ARHGEF10L: variants seen among roughly 807,000 people sequenced by gnomAD.
ARHGEF10L encodes rho guanine nucleotide exchange factor 10-like protein.
ARHGEF10L carries 69 observed loss-of-function variants against 141.2 expected under a neutral mutation model. The observed-to-expected ratio is 0.49, with a 90% CI of 0.40 to 0.60. ARHGEF10L has a LOEUF of 0.60. ARHGEF10L is among the 20% of genes least tolerant of loss of function. The pLI is 0.00. For synonymous variants in ARHGEF10L, 711 were observed against 718.5 expected, an observed-to-expected ratio of 0.99 and a Z score of 0.17; for missense variants, 1,482 against 1,734.3, an observed-to-expected ratio of 0.85 and a Z score of 2.58.
chr1:17,573,142 G>T lies in ARHGEF10L; in HGVS notation c.-43-7411G>T, dbSNP rs75835322. 4.1e-4 allele frequency among the ~76,000 whole-genome samples: 63 copies of T among 152,252 alleles called. No homozygotes were observed. In the East Asian group the frequency reaches 0.012, roughly 29 times the overall value. On this transcript the variant is annotated intron_variant, in intron 1 of 28. Coordinates refer to ENST00000361221, the MANE Select transcript of ARHGEF10L (RefSeq NM_018125.4). The surrounding 1 kb of genome is among the most constrained non-coding windows in gnomAD (Gnocchi z 4.8). The stretch of plus-strand genomic sequence containing the variant: ...TGCCTCATCCTCCTGGGGGGCTTTG[G>T]GTAGGTCCCTTCCCATCTGAGCCTC...
intron 1 of ARHGEF10L, among the ~76,000 whole-genome samples, chr1:17,542,295 A>G (rs1285246568): frequency 1.3e-5 from 2 of 151,826 alleles, no homozygotes; most frequent in East Asian, 2.0e-4. Flanking sequence ...AAAAAATTTT[A>G]AAAATTAGTT....
chr1:17,527,178 C>A, the ARHGEF10L span, among the ~76,000 whole-genome samples: 52 of 152,200 alleles, frequency 3.4e-4, 1 homozygote, highest in African/African-American at 1.2e-3. Context: ...AAACTAGAAA[C>A]CCTGGGCTCT....
In ARHGEF10L at chr1:17,697,220, C is replaced by T. The variant is rs757296776; in HGVS notation, c.3680C>T (p.Ala1227Val). 6.2e-7 allele frequency: 1 copy of T among 1,612,166 alleles called. No individual in the cohort carries two copies. The highest frequency in any genetic ancestry group is 2.2e-5 in the East Asian group (1 of 44,862). Residue 1227 changes from alanine to valine, a missense_variant, in exon 29 of 29, where the codon GCC (alanine) becomes GTC (valine). By Grantham distance (64) the Ala-to-Val change is moderately conservative. Coordinates refer to ENST00000361221, the MANE Select transcript of ARHGEF10L (RefSeq NM_018125.4). This position sits in a 1 kb window ranked among gnomAD's most constrained non-coding sequence, Gnocchi z 4.8. ...ATCTGGGTGCGCAGCCGGCCCTGCG[C>T]CCGCGACGCCCACCGCAAGGAGATT... ...PDIWVRSRPC[A>V]RDAHRKEICS...
At chr1:17,576,016 G>A (rs1021380994) in intron 1 of ARHGEF10L, among the ~76,000 whole-genome samples, 5 of 151,204 alleles carry the variant, frequency 3.3e-5, no homozygotes, top group African/African-American at 4.9e-5. Flanking sequence ...TGCTTCCCCC[G>A]CTTCTGCCTG....
At position 17,672,537 on chromosome 1, in the gene ARHGEF10L, A is replaced by G. The variant is rs148309874; in HGVS notation, c.3009+7942A>G. ...GCAGGGTCTCGCGTCCTATCACTGC[A>G]TGGAGTCGGCTCTGCTCGGCAGTTT... On this transcript the variant is annotated intron_variant, in intron 26 of 28. Coordinates refer to ENST00000361221, the MANE Select transcript of ARHGEF10L (RefSeq NM_018125.4). Among the ~76,000 whole-genome samples the G allele has an allele frequency of 2.9e-3, 435 of 152,226 alleles. 14 individuals carry two copies. In the East Asian group the frequency reaches 0.07, roughly 25 times the overall value.
chr1:17,625,883 C>A lies in ARHGEF10L; in HGVS notation c.1318-73C>A. The A allele has an allele frequency of 7.6e-7, 1 of 1,324,124 alleles. No homozygotes were observed. The highest frequency in any genetic ancestry group is 1.2e-5 in the South Asian group (1 of 82,004). The allele number at this position is 1,324,124 out of a possible 1,614,324, so 82.0% of individuals were successfully genotyped here. ...TGGGGAGAGGAGCCCAGAATGGGGA[C>A]AGTGTCTGGACTCTGGGGCACTGGG... On this transcript the variant is annotated intron_variant, in intron 13 of 28. Coordinates refer to ENST00000361221, the MANE Select transcript of ARHGEF10L (RefSeq NM_018125.4). The surrounding 1 kb of genome is among the most constrained non-coding windows in gnomAD (Gnocchi z 4.5).
intron 26 of ARHGEF10L, among the ~76,000 whole-genome samples, chr1:17,669,211 G>C (rs2102246377): frequency 6.6e-6 from 1 of 152,290 alleles, no homozygotes; most frequent in East Asian, 1.9e-4. Flanking sequence ...TCCAAGCCAG[G>C]AGACCCAGGC....
intron 4 of ARHGEF10L, among the ~76,000 whole-genome samples, chr1:17,595,757 C>T (rs892675528): frequency 5.3e-5 from 8 of 152,076 alleles, no homozygotes; most frequent in East Asian, 1.9e-4. Flanking sequence ...GCAGCACACA[C>T]GAGGCCATAC....
chr1:17,538,770 TGC>T (rs568841957), upstream of ARHGEF10L, among the ~76,000 whole-genome samples: 343 of 151,956 alleles, frequency 2.3e-3, no homozygotes, highest in African/African-American at 8.0e-3. Flanking sequence ...TCAACCTACG[TGC>T]ACCTGTACCC....
chr1:17,567,082 CAA>C (rs2077787101), intron 1 of ARHGEF10L, among the ~76,000 whole-genome samples: 1 of 152,226 alleles, frequency 6.6e-6, no homozygotes, highest in Non-Finnish European at 1.5e-5. Flanking sequence ...TGTCCTCTGA[CAA>C]AGAACTGGGC....
At chr1:17,572,989 T>C (rs996737627) in intron 1 of ARHGEF10L, among the ~76,000 whole-genome samples, 1 of 152,146 alleles carries the variant, frequency 6.6e-6, no homozygotes, top group African/African-American at 2.4e-5. Context: ...GACACCCCTG[T>C]GTGTGCCCCC....
In ARHGEF10L at chr1:17,578,902, A is replaced by T. The variant is rs148422991; in HGVS notation, c.-43-1651A>T. 1.0e-2 allele frequency among the ~76,000 whole-genome samples: 1,518 copies of T among 152,284 alleles called. 21 individuals carry two copies. The highest frequency in any genetic ancestry group is 0.012 in the Non-Finnish European group (790 of 68,008). ...TGTATGAAACAAGGCATATCTGCAG[A>T]TATGCAAGTTGGCCCATGCATGGGA... On this transcript the variant is annotated intron_variant, in intron 1 of 28. Transcript: ENST00000361221.
At chr1:17,694,247 A>G (rs1339192509) in intron 27 of ARHGEF10L, 1 of 152,770 alleles carries the variant, frequency 6.5e-6, no homozygotes, top group Non-Finnish European at 1.5e-5. Context: ...GTTGACTGAA[A>G]GGTCATTATG....
chr1:17,531,365 G>A, the ARHGEF10L span, among the ~76,000 whole-genome samples: 3 of 152,176 alleles, frequency 2.0e-5, no homozygotes, highest in Non-Finnish European at 4.4e-5. Flanking sequence ...CCTGGTGAAG[G>A]CTTTCGGGTC....
intron 1 of ARHGEF10L, among the ~76,000 whole-genome samples, chr1:17,542,861 C>T (rs561980841): frequency 2.6e-5 from 4 of 152,294 alleles, no homozygotes; most frequent in South Asian, 4.1e-4. Context: ...ACTCCCTGGC[C>T]ACTCAGTCCT....
At chr1:17,642,083 G>A (rs2061359784) in intron 21 of ARHGEF10L, among the ~76,000 whole-genome samples, 1 of 152,170 alleles carries the variant, frequency 6.6e-6, no homozygotes, top group Non-Finnish European at 1.5e-5. Context: ...TTTTGGGCAT[G>A]GGGGAAGAAT....
Position 17,587,559 on chromosome 1 carries a change from C to G in ARHGEF10L, c.137C>G (p.Thr46Ser). The G allele has an allele frequency of 6.2e-7, 1 of 1,614,198 alleles. No homozygotes were observed. The change falls in exon 3 of 29, where the codon ACC (threonine) becomes AGC (serine). Residue 46 changes from threonine to serine, a missense_variant. Thr to Ser is a moderately conservative substitution (Grantham distance 58). Transcript: ENST00000361221. ...GATGACAGTGATGATGAAGAGGACA[C>G]CAGCGCAGCCCTGGGCGTCCCCAGC... The part of the protein sequence containing the change: ...EFDDSDDEED[T>S]SAALGVPSLA...
intron 1 of ARHGEF10L, among the ~76,000 whole-genome samples, chr1:17,575,003 G>A (rs931860941): frequency 2.0e-5 from 3 of 152,234 alleles, no homozygotes; most frequent in Non-Finnish European, 4.4e-5. Context: ...CCCAGGTCCA[G>A]GGATGTCCCA....
Position 17,638,001 on chromosome 1 carries a change from C to T in ARHGEF10L, c.2041C>T (p.Gln681Ter). Residue 681 changes from glutamine (Q) to a stop codon, truncating the protein, a stop_gained and splice_region_variant, in exon 19 of 29, where the codon CAG (glutamine) becomes TAG (stop). Transcript: ENST00000361221. LOFTEE classifies it high-confidence loss of function. ...CATCAGCACGCTGCACGGCACCTACCAGGTACGTGGCCTGGCCTGACCTTT... is the reference window on the plus strand; with the variant it reads ...CATCAGCACGCTGCACGGCACCTACTAGGTACGTGGCCTGGCCTGACCTTT... ...LLISTLHGTY[Q>*]NLNMTVAQDW... 1 of 1,578,952 alleles carries T rather than the reference C, an allele frequency of 6.3e-7. No individual in the cohort carries two copies. Among genetic ancestry groups the T allele is most frequent in the Non-Finnish European group, 8.6e-7 (1 of 1,161,716 alleles).
Sources: gnomAD v4.1 joint callset for allele counts (sites outside exome capture counted in the v4.1 genomes callset) on GRCh38, gnomAD v4.1.1 for gene constraint, Gnocchi (gnomAD v3.1) non-coding constraint, MANE v1.5 for transcripts, NCBI Gene and HGNC (gene_info 2026-07-23, HGNC 2026-07-21) for gene names.